STC1: variants seen among roughly 807,000 people sequenced by gnomAD.
STC1 encodes stanniocalcin 1.
A neutral mutation model predicts 22.6 loss-of-function variants in STC1; 7 were observed. The ratio of observed to expected loss-of-function variants is 0.31; its 90% confidence interval spans 0.18 to 0.58. The LOEUF is 0.58. Ranked by LOEUF, STC1 falls within the 20% of genes least tolerant of loss-of-function variation. STC1 has a pLI of 0.89. For missense variants in STC1, 224 were observed against 311.0 expected (o/e 0.72, Z 2.10); for synonymous variants, 113 against 120.7 (o/e 0.94, Z 0.42).
chr8:23,854,293 G>T, intron 1 of STC1, 113 bp downstream of exon 1: 1 of 1,062,072 alleles, frequency 9.4e-7, no homozygotes, highest in Non-Finnish European at 1.4e-6. Context: ...ATTGCCATCA[G>T]GCATGAAGCA....
intron 3 of STC1, among the ~76,000 whole-genome samples, chr8:23,849,517 T>C (rs1315228552): frequency 6.6e-5 from 10 of 152,176 alleles, no homozygotes; most frequent in Admixed American, 6.5e-4. Context: ...AATAAGGCAC[T>C]GATTAGAAGA....
rs1270335720 is a variant in STC1, at chr8:23,851,347, A to G, written c.446T>C (p.Val149Ala). 6.2e-7 allele frequency: 1 copy of G among 1,614,124 alleles called. No homozygotes were observed. The change falls in exon 3 of 4, where the codon GTC becomes GCC. Residue 149 changes from valine (V) to alanine (A), a missense_variant. Transcript: ENST00000290271. The part of the protein sequence containing the change: ...KRNPEAITEV[V>A]QLPNHFSNRY... ...GTTGGAGAAGTGATTGGGCAGCTGG[A>G]CGACCTCAGTGATGGCTTCAGGGTT... is the stretch of plus-strand genomic sequence containing the variant.
At position 23,854,726 on chromosome 8, in the gene STC1, C is replaced by T. The variant is rs975412199; in HGVS notation, c.-203G>A. 1.0e-4 allele frequency: 67 copies of T among 656,604 alleles called. 1 individual carries two copies. Among genetic ancestry groups the T allele is most frequent in the Non-Finnish European group, 1.4e-4 (50 of 355,186 alleles). 40.7% of individuals were successfully genotyped at this position (656,604 alleles called of 1,614,324 possible). A position where few individuals can be genotyped will look rare whatever the true frequency, so the allele number is the denominator to read the frequency against. Reference sequence around the variant, plus strand: ...CCTCCGCTGCTGCTGCTGCTGCCGCCGCTGCTGCTGCTGCTGCCACCGCCG... The same window carrying T: ...CCTCCGCTGCTGCTGCTGCTGCCGCTGCTGCTGCTGCTGCTGCCACCGCCG... On this transcript the variant is annotated 5_prime_UTR_variant, in exon 1 of 4. Transcript: ENST00000290271.
At chr8:23,847,610 G>A (rs1395439974) in intron 3 of STC1, among the ~76,000 whole-genome samples, 1 of 152,240 alleles carries the variant, frequency 6.6e-6, no homozygotes, top group African/African-American at 2.4e-5. Context: ...TGAGCAATAG[G>A]TTAACCAGTG....
rs967818107 is a variant in STC1, at chr8:23,842,860, G to GTGC, written c.*1907_*1909dup. The GTGC allele has an allele frequency of 1.3e-4, 21 of 155,614 alleles. No individual in the cohort carries two copies. The highest frequency in any genetic ancestry group is 6.1e-4 in the South Asian group (3 of 4,892). The allele number at this position is 155,614 out of a possible 1,614,324, so 9.6% of individuals were successfully genotyped here. ...TGTGGGGACAAAGGCAGCAATGTTT[G>GTGC]TGCTGCTGCTGCTGCTGCTGGGTCT... On this transcript the variant is annotated 3_prime_UTR_variant, in exon 4 of 4. Transcript: ENST00000290271.
rs558251315 is a variant in STC1, at chr8:23,843,991, G to A, written c.*779C>T. 2.0e-5 allele frequency: 3 copies of A among 152,716 alleles called. No individual in the cohort carries two copies. The East Asian group carries it at 5.8e-4, about 29-fold the overall frequency. The allele number at this position is 152,716 out of a possible 1,614,324, so 9.5% of individuals were successfully genotyped here. A position where few individuals can be genotyped will look rare whatever the true frequency, so the allele number is the denominator to read the frequency against. ...TTATATACTGCTTTGTTTAAGCAGA[G>A]TCCTCTGGAATTTATGTACAGTACA... On this transcript the variant is annotated 3_prime_UTR_variant, in exon 4 of 4. Transcript: ENST00000290271.
chr8:23,852,458 G>A, intron 1 of STC1, 74 bp from the exon 2 acceptor site: 2 of 1,492,876 alleles, frequency 1.3e-6, no homozygotes, highest in South Asian at 1.3e-5. Flanking sequence ...GGGTGCAGAG[G>A]TGAATTTCAA....
chr8:23,853,936 T>C, intron 1 of STC1: 1 of 824,342 alleles, frequency 1.2e-6, no homozygotes. Flanking sequence ...AAAATCAGTC[T>C]GAAGAGGGAG....
At chr8:23,851,268 C>T (rs1802634462) in intron 3 of STC1, 52 bp downstream of exon 3, 1 of 1,592,478 alleles carries the variant, frequency 6.3e-7, no homozygotes, top group South Asian at 1.1e-5. Context: ...CTCTGCCAGC[C>T]AGCCACCTGC....
intron 1 of STC1, 30 bp from the exon 2 acceptor site, chr8:23,852,414 T>G (rs761222927): frequency 2.6e-6 from 4 of 1,562,366 alleles, no homozygotes; most frequent in Non-Finnish European, 3.5e-6. Context: ...CCATTCTGGG[T>G]CAAACAGTGA....
rs148870244 is a variant in STC1 at position 23,848,612 on chromosome 8, A to C, written c.473+2708T>G. Among the ~76,000 whole-genome samples, 193 of 151,688 alleles carry C rather than the reference A, an allele frequency of 1.3e-3. 1 individual carries two copies. The highest frequency in any genetic ancestry group is 1.9e-3 in the Non-Finnish European group (130 of 67,914). ...GGAGGATGGAGGAGATGTGTTGGAAAGACTTGGTGGACTAAGTGTTCTGAT... is the reference window on the plus strand; with the variant it reads ...GGAGGATGGAGGAGATGTGTTGGAACGACTTGGTGGACTAAGTGTTCTGAT... On this transcript the variant is annotated intron_variant, in intron 3 of 3. Transcript: ENST00000290271.
Position 23,854,446 on chromosome 8 carries a change from A to C in STC1, c.78T>G (p.Ser26=). ...CCACTCGGGATTTCCTGGGGCTCAC[A>C]GAGTCATTCTGCTCCGCCTCATGGG... ...SATHEAEQND[S]VSPRKSRVAA... is the part of the protein sequence containing the mutation. The change falls in exon 1 of 4, where the codon TCT becomes TCG. Residue 26 remains serine, a synonymous_variant. Transcript: ENST00000290271. The C allele has an allele frequency of 6.2e-7, 1 of 1,614,178 alleles. No individual in the cohort carries two copies. The highest frequency in any genetic ancestry group is 1.6e-4 in the Middle Eastern group (1 of 6,062).
rs183140266 is a variant in STC1, at chr8:23,852,631, G to A, written c.119-247C>T. ...TCTCTGTTTCAGACACACGCTCCCT[G>A]TTTCACCATTACCTACAATTTTGGT... is the stretch of plus-strand genomic sequence containing the variant. On this transcript the variant is annotated intron_variant, in intron 1 of 3. Coordinates refer to ENST00000290271, the MANE Select transcript of STC1 (RefSeq NM_003155.3). Among the ~76,000 whole-genome samples, 3 of 152,254 alleles carry A rather than the reference G, an allele frequency of 2.0e-5. No individual in the cohort carries two copies. In the East Asian group the frequency reaches 5.8e-4, roughly 29 times the overall value.
Position 23,844,565 on chromosome 8 carries a change from T to C in STC1, c.*205A>G. Reference sequence around the variant, plus strand: ...CCTGAGGAGAGGCAGAATGGTCACATGGATTTTGTTGGTGGGAATGCTGCC... The same window carrying C: ...CCTGAGGAGAGGCAGAATGGTCACACGGATTTTGTTGGTGGGAATGCTGCC... On this transcript the variant is annotated 3_prime_UTR_variant, in exon 4 of 4. Transcript: ENST00000290271. The C allele has an allele frequency of 1.6e-6, 1 of 617,762 alleles. No homozygotes were observed. Among genetic ancestry groups the C allele is most frequent in the African/African-American group, 1.8e-5 (1 of 54,254 alleles). The allele number at this position is 617,762 out of a possible 1,614,324, so 38.3% of individuals were successfully genotyped here.
At chr8:23,850,462 G>C (rs761490626) in intron 3 of STC1, among the ~76,000 whole-genome samples, 1 of 152,194 alleles carries the variant, frequency 6.6e-6, no homozygotes, top group Non-Finnish European at 1.5e-5. Flanking sequence ...GCCCCTGCCA[G>C]ACCTCCACGC....
chr8:23,854,633 T>C lies in STC1; in HGVS notation c.-110A>G. The C allele has an allele frequency of 5.2e-6, 5 of 969,832 alleles. No homozygotes were observed. The highest frequency in any genetic ancestry group is 3.3e-6 in the Non-Finnish European group (2 of 599,918). 60.1% of individuals were successfully genotyped at this position (969,832 alleles called of 1,614,324 possible). ...ATGTGGATCTGGATACACTGAAAGC[T>C]TAGGTGAGGATTTGATGAGGATTTT... is the stretch of plus-strand genomic sequence containing the variant. On this transcript the variant is annotated 5_prime_UTR_variant, in exon 1 of 4. Transcript: ENST00000290271.
chr8:23,843,953 T>C lies in STC1; in HGVS notation c.*817A>G, dbSNP rs1313907465. The stretch of plus-strand genomic sequence containing the variant: ...GCTAAGTTACAAAACTAAATCTATA[T>C]GCAATAAAGTTATTATATACTGCTT... On this transcript the variant is annotated 3_prime_UTR_variant, in exon 4 of 4. Coordinates refer to ENST00000290271, the MANE Select transcript of STC1 (RefSeq NM_003155.3). 1.3e-5 allele frequency: 2 copies of C among 152,662 alleles called. No individual in the cohort carries two copies. Among genetic ancestry groups the C allele is most frequent in the Admixed American group, 6.5e-5 (1 of 15,282 alleles). The allele number at this position is 152,662 out of a possible 1,614,324, so 9.5% of individuals were successfully genotyped here. A position where few individuals can be genotyped will look rare whatever the true frequency, so the allele number is the denominator to read the frequency against.
intron 2 of STC1, 56 bp from the exon 3 acceptor site, chr8:23,851,587 G>A: frequency 6.5e-7 from 1 of 1,547,048 alleles, no homozygotes; most frequent in Non-Finnish European, 8.9e-7. Flanking sequence ...CAAAGAGGAT[G>A]GGCATATACA....
chr8:23,845,679 G>T (rs1286162743), intron 3 of STC1, among the ~76,000 whole-genome samples: 1 of 152,054 alleles, frequency 6.6e-6, no homozygotes, highest in Non-Finnish European at 1.5e-5. Flanking sequence ...TACTTGGACA[G>T]CCCTGATAAA....
Sources: gnomAD v4.1 joint callset for allele counts (sites outside exome capture counted in the v4.1 genomes callset) on GRCh38, gnomAD v4.1.1 for gene constraint, MANE v1.5 for transcripts, NCBI Gene and HGNC (gene_info 2026-07-23, HGNC 2026-07-21) for gene names.